The following GRIN2B variants were observed in gnomAD, a reference collection of about 807,000 sequenced individuals.
The protein encoded by GRIN2B is glutamate ionotropic receptor NMDA type subunit 2B.
A neutral mutation model predicts 114.5 loss-of-function variants in GRIN2B; 5 were observed. The ratio of observed to expected loss-of-function variants is 0.04; its 90% confidence interval spans 0.02 to 0.09. GRIN2B has a LOEUF of 0.09. Among genes scored for constraint, GRIN2B ranks in the 10% least tolerant of loss-of-function variants. The pLI is 1.00. For synonymous variants in GRIN2B, 787 were observed against 745.1 expected (o/e 1.06, Z -0.92); for missense variants, 1,108 against 1,943.5 (o/e 0.57, Z 8.08).
At chr12:13,964,823 G>A (rs1006735847) in intron 2 of GRIN2B, among the ~76,000 whole-genome samples, 5 of 152,252 alleles carry the variant, frequency 3.3e-5, no homozygotes, top group African/African-American at 9.6e-5. Flanking sequence ...CAGGCTGTTT[G>A]TGACGGCAGC....
chr12:13,546,218 C>G lies in GRIN2B; in HGVS notation c.*16565G>C, dbSNP rs1414169582. The stretch of plus-strand genomic sequence containing the variant: ...TAAGTCAATGTAATCACAATGCACA[C>G]AAGGCTCTTCCACTCAGAATCTTCT... On this transcript the variant is annotated 3_prime_UTR_variant, in exon 14 of 14. Transcript: ENST00000609686. The G allele has an allele frequency of 6.6e-6, 1 of 152,206 alleles. No individual in the cohort carries two copies. Among genetic ancestry groups the G allele is most frequent in the Non-Finnish European group, 1.5e-5 (1 of 68,046 alleles). 9.4% of individuals were successfully genotyped at this position (152,206 alleles called of 1,614,324 possible).
chr12:13,962,740 A>G (rs1867717215), intron 2 of GRIN2B, among the ~76,000 whole-genome samples: 1 of 152,174 alleles, frequency 6.6e-6, no homozygotes, highest in African/African-American at 2.4e-5. Flanking sequence ...GCTGACCTCC[A>G]CAAAGAAGTC....
chr12:13,850,798 G>T (rs1865549226), intron 3 of GRIN2B, among the ~76,000 whole-genome samples: 1 of 152,126 alleles, frequency 6.6e-6, no homozygotes, highest in Admixed American at 6.6e-5. Context: ...GAAGCATACT[G>T]GTGAAATCCA....
At chr12:13,787,893 T>G (rs559143918) in intron 3 of GRIN2B, among the ~76,000 whole-genome samples, 1 of 152,302 alleles carries the variant, frequency 6.6e-6, no homozygotes, top group African/African-American at 2.4e-5. Context: ...CTCCCATTGA[T>G]CCAATGTAAT....
intron 3 of GRIN2B, among the ~76,000 whole-genome samples, chr12:13,771,146 C>G (rs1404062089): frequency 6.6e-6 from 1 of 152,142 alleles, no homozygotes; most frequent in Admixed American, 6.6e-5. Flanking sequence ...GTATAAGTCT[C>G]ACGAGAGCTG....
chr12:13,888,809 T>C (rs1190999132), intron 2 of GRIN2B, among the ~76,000 whole-genome samples: 2 of 148,438 alleles, frequency 1.3e-5, no homozygotes, highest in South Asian at 4.2e-4. Flanking sequence ...AAAAAAATGG[T>C]ATAGGGCACT....
chr12:13,826,186 C>T (rs1179732706), intron 3 of GRIN2B, among the ~76,000 whole-genome samples: 2 of 151,872 alleles, frequency 1.3e-5, no homozygotes, highest in African/African-American at 4.8e-5. Flanking sequence ...TACTATTACA[C>T]CAGGCCAGGC....
chr12:13,610,218 C>A (rs1949350074), intron 9 of GRIN2B, among the ~76,000 whole-genome samples: 1 of 152,168 alleles, frequency 6.6e-6, no homozygotes, highest in Admixed American at 6.5e-5. Flanking sequence ...GTTTATAAAT[C>A]AAAGCTTTAT....
chr12:13,924,432 T>C (rs1258101008), intron 2 of GRIN2B, among the ~76,000 whole-genome samples: 1 of 152,158 alleles, frequency 6.6e-6, no homozygotes, highest in Non-Finnish European at 1.5e-5. Flanking sequence ...GAGCTGCTAA[T>C]AGAACCCAGC....
intron 3 of GRIN2B, among the ~76,000 whole-genome samples, chr12:13,861,956 A>C (rs945304213): frequency 6.6e-6 from 1 of 152,162 alleles, no homozygotes; most frequent in Non-Finnish European, 1.5e-5. Flanking sequence ...AATCCTCGAC[A>C]ACCCTGTAAT....
At chr12:13,676,105 C>T (rs1014212148) in intron 4 of GRIN2B, among the ~76,000 whole-genome samples, 5 of 151,974 alleles carry the variant, frequency 3.3e-5, no homozygotes, top group African/African-American at 4.8e-5. Flanking sequence ...GTTTGGTCAC[C>T]GCATGTTCTC....
chr12:13,704,652 C>T (rs1429300590), intron 4 of GRIN2B, among the ~76,000 whole-genome samples: 1 of 152,044 alleles, frequency 6.6e-6, no homozygotes, highest in Non-Finnish European at 1.5e-5. Context: ...CCAGTTAGAC[C>T]CAGCACCCCA....
At chr12:13,791,860 T>A (rs1486088483) in intron 3 of GRIN2B, among the ~76,000 whole-genome samples, 3 of 152,188 alleles carry the variant, frequency 2.0e-5, no homozygotes, top group Non-Finnish European at 4.4e-5. Flanking sequence ...ATGGTTAGTG[T>A]TAACCGTAGT....
At chr12:13,790,091 CTGAGGGATGCAAA>C (rs1864294158) in intron 3 of GRIN2B, among the ~76,000 whole-genome samples, 1 of 152,238 alleles carries the variant, frequency 6.6e-6, no homozygotes, top group Non-Finnish European at 1.5e-5. Context: ...TCCCATGGAA[CTGAGGGATGCAAA>C]TATCCTTCAG....
chr12:13,895,430 G>A (rs1866336322), intron 2 of GRIN2B, among the ~76,000 whole-genome samples: 1 of 152,098 alleles, frequency 6.6e-6, no homozygotes, highest in Non-Finnish European at 1.5e-5. Flanking sequence ...GAAGTATGTG[G>A]CTGAGCCCTT....
intron 10 of GRIN2B, among the ~76,000 whole-genome samples, chr12:13,581,656 T>G (rs543531185): frequency 1.3e-5 from 2 of 152,148 alleles, no homozygotes; most frequent in Non-Finnish European, 2.9e-5. Context: ...ACACCTATAA[T>G]CCCAACACTT....
chr12:13,959,769 C>CTTT (rs3082919), intron 2 of GRIN2B, among the ~76,000 whole-genome samples: 7 of 132,442 alleles, frequency 5.3e-5, no homozygotes, highest in Admixed American at 4.5e-4. Flanking sequence ...TTTTCTTTTT[C>CTTT]TTTTTTTTTT....
At chr12:13,715,621 A>G (rs1278450000) in intron 4 of GRIN2B, among the ~76,000 whole-genome samples, 1 of 151,916 alleles carries the variant, frequency 6.6e-6, no homozygotes, top group African/African-American at 2.4e-5. Flanking sequence ...TACTTTTTAG[A>G]ATAGTTACTG....
At chr12:13,937,471 A>G (rs540784331) in intron 2 of GRIN2B, among the ~76,000 whole-genome samples, 1 of 146,932 alleles carries the variant, frequency 6.8e-6, no homozygotes, top group Admixed American at 6.9e-5. Context: ...CCAGAAGACA[A>G]TGGAATAATA....
Sources: allele counts gnomAD v4.1 joint callset (sites outside exome capture counted in the v4.1 genomes callset), GRCh38; gene constraint gnomAD v4.1.1; transcripts MANE v1.5; gene names NCBI Gene and HGNC (gene_info 2026-07-23, HGNC 2026-07-21).